The following CFAP54 variants were observed in gnomAD, a reference collection of about 807,000 sequenced individuals.
The protein encoded by CFAP54 is cilia- and flagella-associated protein 54.
Under a neutral mutation model 370.4 loss-of-function variants are expected in CFAP54, and 290 were observed. The ratio of observed to expected loss-of-function variants is 0.78; its 90% CI spans 0.71 to 0.86. CFAP54 has a LOEUF of 0.86. CFAP54 is among the 40% of genes least tolerant of loss of function. The pLI, the probability that CFAP54 is intolerant of heterozygous loss-of-function variation, is 0.00. For missense variants in CFAP54, 3,399 were observed against 3,528.7 expected (o/e 0.96, Z 0.93); for synonymous variants, 1,206 against 1,236.5 (o/e 0.98, Z 0.52).
intron 40 of CFAP54, among the ~76,000 whole-genome samples, chr12:96,682,607 C>T (rs1957285187): frequency 6.6e-6 from 1 of 152,132 alleles, no homozygotes; most frequent in Admixed American, 6.5e-5. Context: ...AACTCTTGGG[C>T]TCAAGCTATA....
Position 96,753,989 on chromosome 12 carries a change from T to C in CFAP54, c.7840+91T>C, listed in dbSNP as rs1054388682. 3 of 1,325,554 alleles carry C rather than the reference T, an allele frequency of 2.3e-6. No individual in the cohort carries two copies. In the African/African-American group the frequency reaches 4.4e-5, roughly 20 times the overall value. 82.1% of individuals were successfully genotyped at this position (1,325,554 alleles called of 1,614,324 possible). A position where few individuals can be genotyped will look rare whatever the true frequency, so the allele number is the denominator to read the frequency against. On this transcript the variant is annotated intron_variant, in intron 56 of 67. Coordinates refer to ENST00000524981, the MANE Select transcript of CFAP54 (RefSeq NM_001306084.2). ...GATTCTTGAAAATCTGGTCCCTGAC[T>C]ATAAAAATTACAAACATACAAAGGG...
intron 5 of CFAP54, among the ~76,000 whole-genome samples, chr12:96,515,910 A>ATTT (rs1955225942): frequency 2.1e-5 from 2 of 95,842 alleles, no homozygotes; most frequent in African/African-American, 9.1e-5. Context: ...CATTACCTCT[A>ATTT]TGTTTTTTTT....
intron 22 of CFAP54, among the ~76,000 whole-genome samples, chr12:96,589,074 G>A (rs577860481): frequency 4.5e-4 from 69 of 152,276 alleles, no homozygotes; most frequent in Non-Finnish European, 8.4e-4. Context: ...CATTATAACA[G>A]TATCTATAAT....
chr12:96,678,312 G>A (rs1033347666), intron 39 of CFAP54, among the ~76,000 whole-genome samples: 6 of 151,936 alleles, frequency 3.9e-5, no homozygotes, highest in East Asian at 1.9e-4. Flanking sequence ...GTGCAGTGGC[G>A]CAATCTTGGT....
intron 5 of CFAP54, among the ~76,000 whole-genome samples, chr12:96,518,036 C>G (rs1317547297): frequency 6.6e-6 from 1 of 152,146 alleles, no homozygotes; most frequent in Non-Finnish European, 1.5e-5. Flanking sequence ...GAAGTATTTT[C>G]CTAGCATGTC....
intron 67 of CFAP54, among the ~76,000 whole-genome samples, chr12:96,861,885 A>G (rs1223806934): frequency 6.6e-6 from 1 of 152,206 alleles, no homozygotes; most frequent in African/African-American, 2.4e-5. Flanking sequence ...CCACATGTGA[A>G]TACTTCCCAG....
At chr12:96,653,756 TAAAAG>T (rs1015659468) in intron 36 of CFAP54, among the ~76,000 whole-genome samples, 10 of 150,022 alleles carry the variant, frequency 6.7e-5, no homozygotes, top group African/African-American at 2.0e-4. Flanking sequence ...TAAAAAGAAA[TAAAAG>T]AAATGATAAG....
At chr12:96,682,410 C>A in intron 40 of CFAP54, 1 of 678,466 alleles carries the variant, frequency 1.5e-6, no homozygotes, top group Non-Finnish European at 1.8e-6. Context: ...TTTTGTCATC[C>A]AGGCTGGAGT....
At position 96,533,769 on chromosome 12, in the gene CFAP54, A is replaced by G. The variant is rs756836255; in HGVS notation, c.1358-23A>G. ...TATTTATTTGCATGAGTGATATTCA[A>G]AACTCTCTTCTTCCTTTCCTAGTGT... On this transcript the variant is annotated intron_variant, in intron 9 of 67. Transcript: ENST00000524981. 8.5e-5 allele frequency: 125 copies of G among 1,476,768 alleles called. 1 individual carries two copies. The highest frequency in any genetic ancestry group is 2.1e-4 in the Admixed American group (8 of 38,960). The allele number at this position is 1,476,768 out of a possible 1,614,324, so 91.5% of individuals were successfully genotyped here. A position where few individuals can be genotyped will look rare whatever the true frequency, so the allele number is the denominator to read the frequency against.
At chr12:96,719,089 T>G (rs566227171) in intron 49 of CFAP54, among the ~76,000 whole-genome samples, 1 of 151,912 alleles carries the variant, frequency 6.6e-6, no homozygotes, top group African/African-American at 2.4e-5. Flanking sequence ...GGGATATGAG[T>G]ATTCCATCCC....
chr12:96,814,438 G>A (rs895379326), intron 64 of CFAP54, among the ~76,000 whole-genome samples: 1 of 152,184 alleles, frequency 6.6e-6, no homozygotes, highest in Admixed American at 6.5e-5. Context: ...CATGGCTAGA[G>A]TTTGAAGGAA....
At position 96,630,081 on chromosome 12, in the gene CFAP54, C is replaced by CT. The variant is rs1176102893; in HGVS notation, c.4104-6dup. The CT allele has an allele frequency of 1.3e-5, 18 of 1,357,872 alleles. No individual in the cohort carries two copies. The highest frequency in any genetic ancestry group is 7.9e-6 in the Non-Finnish European group (8 of 1,017,996). 84.1% of individuals were successfully genotyped at this position (1,357,872 alleles called of 1,614,324 possible). A position where few individuals can be genotyped will look rare whatever the true frequency, so the allele number is the denominator to read the frequency against. On this transcript the variant is annotated splice_polypyrimidine_tract_variant and intron_variant, in intron 30 of 67. Transcript: ENST00000524981. ...TGCAGGTCTTTTTGACTGACTTTAT[C>CT]TTTTTTATTAGGAGAAATGAGTCTC...
At chr12:96,651,155 C>T (rs535294539) in intron 35 of CFAP54, among the ~76,000 whole-genome samples, 4 of 152,292 alleles carry the variant, frequency 2.6e-5, no homozygotes, top group African/African-American at 9.6e-5. Flanking sequence ...TGTCAGGTTC[C>T]AACTCATTTC....
At chr12:96,591,747 C>T (rs1226124147) in intron 23 of CFAP54, among the ~76,000 whole-genome samples, 4 of 151,734 alleles carry the variant, frequency 2.6e-5, no homozygotes, top group South Asian at 2.1e-4. Flanking sequence ...AAAAATTAGC[C>T]GGGCATGGTG....
chr12:96,615,573 G>A (rs575694780), intron 26 of CFAP54, among the ~76,000 whole-genome samples: 1 of 152,240 alleles, frequency 6.6e-6, no homozygotes, highest in East Asian at 1.9e-4. Context: ...GAGTGAACAG[G>A]CAACCTACAG....
In CFAP54 at chr12:96,771,428, G is replaced by A. The variant is rs574719863; in HGVS notation, c.8281+6210G>A. On this transcript the variant is annotated intron_variant, in intron 60 of 67. Coordinates refer to ENST00000524981, the MANE Select transcript of CFAP54 (RefSeq NM_001306084.2). Reference sequence around the variant, plus strand: ...AGCACTTTGGGAGGCCAAGGCGGGCGGTTCACGAGGTCAGGAGATGGAGAC... The same window carrying A: ...AGCACTTTGGGAGGCCAAGGCGGGCAGTTCACGAGGTCAGGAGATGGAGAC... Among the ~76,000 whole-genome samples the A allele has an allele frequency of 6.1e-4, 93 of 152,272 alleles. 1 individual carries two copies. The highest frequency in any genetic ancestry group is 2.1e-3 in the African/African-American group (86 of 41,550).
At chr12:96,737,754 C>T (rs1436788257) in intron 50 of CFAP54, among the ~76,000 whole-genome samples, 2 of 152,124 alleles carry the variant, frequency 1.3e-5, no homozygotes, top group Admixed American at 6.6e-5. Flanking sequence ...TCCCAAAGTG[C>T]TGGGATTACA....
chr12:96,692,507 A>G (rs1957398879), intron 44 of CFAP54, among the ~76,000 whole-genome samples: 1 of 152,224 alleles, frequency 6.6e-6, no homozygotes, highest in African/African-American at 2.4e-5. Context: ...AAGAAAAGAA[A>G]CTAAATCTCA....
At chr12:96,573,309 G>A (rs1007012290) in intron 19 of CFAP54, among the ~76,000 whole-genome samples, 1 of 152,168 alleles carries the variant, frequency 6.6e-6, no homozygotes, top group Non-Finnish European at 1.5e-5. Context: ...AAATATAATA[G>A]CGTTTTATCT....
Sources: gnomAD v4.1 joint callset for allele counts (sites outside exome capture counted in the v4.1 genomes callset) on GRCh38, gnomAD v4.1.1 for gene constraint, MANE v1.5 for transcripts, NCBI Gene and HGNC (gene_info 2026-07-23, HGNC 2026-07-21) for gene names.